HERC4: variants seen among roughly 807,000 people sequenced by gnomAD.
HERC4 encodes the protein HECT and RLD domain containing E3 ubiquitin protein ligase 4, also known as probable E3 ubiquitin-protein ligase HERC4.
In HERC4, 28 loss-of-function variants were observed where a neutral mutation model predicts 124.3. The ratio of observed to expected loss-of-function variants is 0.23; its 90% CI spans 0.17 to 0.31. The LOEUF is 0.31. Ranked by LOEUF, HERC4 falls within the 10% of genes least tolerant of loss-of-function variation. The pLI is 1.00. For synonymous variants in HERC4, 407 were observed against 421.5 expected, an observed-to-expected ratio of 0.97 and a Z score of 0.42; for missense variants, 713 against 1,229.3, an observed-to-expected ratio of 0.58 and a Z score of 6.28.
At position 68,048,840 on chromosome 10, in the gene HERC4, T is replaced by A. The variant is rs181889839; in HGVS notation, c.227-4277A>T. Among the ~76,000 whole-genome samples, 113 of 152,328 alleles carry A rather than the reference T, an allele frequency of 7.4e-4. 1 individual carries two copies. The highest frequency in any genetic ancestry group is 1.6e-3 in the Admixed American group (25 of 15,300). On this transcript the variant is annotated intron_variant, in intron 3 of 24. Coordinates refer to ENST00000373700, the MANE Select transcript of HERC4 (RefSeq NM_015601.4). The stretch of plus-strand genomic sequence containing the variant: ...TGCTCTAAAAAGAAAGGGTATTTTT[T>A]AAATTTGTTTTTTAAAAAACCCACA...
chr10:68,012,978 C>CCA (rs2038055826), intron 9 of HERC4, among the ~76,000 whole-genome samples: 1 of 152,106 alleles, frequency 6.6e-6, no homozygotes, highest in Non-Finnish European at 1.5e-5. Context: ...TGTTTGGATG[C>CCA]CACAAACCAC....
chr10:68,043,555 C>T (rs118184264), intron 4 of HERC4, among the ~76,000 whole-genome samples: 2,431 of 152,162 alleles, frequency 0.016, 25 homozygotes, highest in Middle Eastern at 0.037. Context: ...GTGCTTCACG[C>T]CTATAATCAT....
At chr10:67,984,482 T>C (rs2036142353) in intron 15 of HERC4, among the ~76,000 whole-genome samples, 1 of 152,002 alleles carries the variant, frequency 6.6e-6, no homozygotes, top group South Asian at 2.1e-4. Context: ...AGAAGAATGG[T>C]TACCAGAAGC....
At chr10:68,063,205 A>G (rs1424135097) in intron 3 of HERC4, among the ~76,000 whole-genome samples, 1 of 151,840 alleles carries the variant, frequency 6.6e-6, no homozygotes, top group Admixed American at 6.6e-5. Flanking sequence ...CATTTTATTT[A>G]TTTACTTTAT....
intron 16 of HERC4, chr10:67,959,068 G>C (rs780444217): frequency 1.3e-6 from 2 of 1,516,894 alleles, no homozygotes; most frequent in Admixed American, 2.0e-5. Flanking sequence ...GGAGAAAATG[G>C]AGTATATTTT....
At chr10:68,008,551 A>C (rs913483859) in intron 9 of HERC4, among the ~76,000 whole-genome samples, 1 of 152,192 alleles carries the variant, frequency 6.6e-6, no homozygotes, top group Admixed American at 6.5e-5. Context: ...ATGTAATCAT[A>C]TGGATGTGGA....
chr10:68,052,094 T>C (rs757377354), intron 3 of HERC4, among the ~76,000 whole-genome samples: 5 of 152,168 alleles, frequency 3.3e-5, no homozygotes, highest in Non-Finnish European at 5.9e-5. Context: ...CATTTAATTT[T>C]TGGAGGCACA....
intron 9 of HERC4, among the ~76,000 whole-genome samples, chr10:68,006,243 T>C (rs2037543295): frequency 6.6e-6 from 1 of 152,276 alleles, no homozygotes; most frequent in South Asian, 2.1e-4. Context: ...TTATCGTGAG[T>C]TTTGTACCTT....
At chr10:68,037,653 C>T (rs2039547561) in intron 5 of HERC4, among the ~76,000 whole-genome samples, 1 of 152,114 alleles carries the variant, frequency 6.6e-6, no homozygotes, top group South Asian at 2.1e-4. Context: ...ACACAAAAAT[C>T]AATTTCATGT....
At chr10:68,034,274 T>A in intron 5 of HERC4, 88 bp from the exon 6 acceptor site, 1 of 933,616 alleles carries the variant, frequency 1.1e-6, no homozygotes. Context: ...AAATTTCATA[T>A]AAAGAATATT....
rs1404258284 is a variant in HERC4 at position 68,030,020 on chromosome 10, G to A, written c.777+2758C>T. ...CCCAAAGCACTGGGATTACAGGTGT[G>A]AGCCACTGTGCCCAGCCATAATTTT... On this transcript the variant is annotated intron_variant, in intron 7 of 24. Transcript: ENST00000373700. Among the ~76,000 whole-genome samples the A allele has an allele frequency of 2.6e-5, 4 of 152,116 alleles. No homozygotes were observed. In the South Asian group the frequency reaches 8.3e-4, roughly 32 times the overall value.
At chr10:68,011,668 T>C (rs1197515531) in intron 9 of HERC4, among the ~76,000 whole-genome samples, 1 of 152,232 alleles carries the variant, frequency 6.6e-6, no homozygotes, top group Non-Finnish European at 1.5e-5. Flanking sequence ...ACAGATGAGC[T>C]GTCATCCAGG....
chr10:68,017,791 T>G (rs950626334), intron 8 of HERC4, among the ~76,000 whole-genome samples: 2 of 152,128 alleles, frequency 1.3e-5, no homozygotes, highest in Admixed American at 1.3e-4. Flanking sequence ...GCCCGGCCTA[T>G]GTCAATAAGT....
intron 22 of HERC4, among the ~76,000 whole-genome samples, chr10:67,934,367 A>C (rs1357724693): frequency 6.6e-6 from 1 of 152,160 alleles, no homozygotes; most frequent in Non-Finnish European, 1.5e-5. Flanking sequence ...CTCTAGATTC[A>C]TTCAAAATAC....
rs138404600 is a variant in HERC4 at position 68,069,397 on chromosome 10, T to C, written c.226+3486A>G. 2.9e-4 allele frequency: 284 copies of C among 985,266 alleles called. 8 individuals are homozygous for C. The highest frequency in any genetic ancestry group is 1.0e-3 in the East Asian group (9 of 8,812). The allele number at this position is 985,266 out of a possible 1,614,324, so 61.0% of individuals were successfully genotyped here. A position where few individuals can be genotyped will look rare whatever the true frequency, so the allele number is the denominator to read the frequency against. On this transcript the variant is annotated intron_variant, in intron 3 of 24. Coordinates refer to ENST00000373700, the MANE Select transcript of HERC4 (RefSeq NM_015601.4). ...GGAAATAATTCAGAAAAGCCAGTAG[T>C]GATAGAAAAGGACATACATATACAA...
At chr10:67,955,200 C>CCT in intron 17 of HERC4, 70 bp from the exon 18 acceptor site, 1 of 1,339,820 alleles carries the variant, frequency 7.5e-7, no homozygotes, top group Non-Finnish European at 1.0e-6. Context: ...AACAAGCTAA[C>CCT]CTCTACCTAT....
At chr10:68,055,324 A>C (rs879617191) in intron 3 of HERC4, among the ~76,000 whole-genome samples, 2 of 152,232 alleles carry the variant, frequency 1.3e-5, no homozygotes, top group African/African-American at 2.4e-5. Flanking sequence ...CATAGCCAAG[A>C]AAGTATTTTA....
intron 7 of HERC4, among the ~76,000 whole-genome samples, chr10:68,027,585 A>G (rs2038969449): frequency 6.6e-6 from 1 of 152,242 alleles, no homozygotes. Flanking sequence ...ATTTTATTGC[A>G]TCATGTCACA....
rs911106719 is a variant in HERC4, at chr10:67,963,794, A to C, written c.1926+2889T>G. Among the ~76,000 whole-genome samples the C allele has an allele frequency of 5.3e-5, 8 of 152,258 alleles. No homozygotes were observed. The East Asian group carries it at 1.5e-3, about 29-fold the overall frequency. The stretch of plus-strand genomic sequence containing the variant: ...AACAAGGTTCATTTCCTGAAGAATC[A>C]ATTTTCCTCAATGACAAATAAATTA... On this transcript the variant is annotated intron_variant, in intron 16 of 24. Coordinates refer to ENST00000373700, the MANE Select transcript of HERC4 (RefSeq NM_015601.4).
Sources: allele counts gnomAD v4.1 joint callset (sites outside exome capture counted in the v4.1 genomes callset), GRCh38; gene constraint gnomAD v4.1.1; transcripts MANE v1.5; gene names NCBI Gene and HGNC (gene_info 2026-07-23, HGNC 2026-07-21).